The following ATP8A1 variants were observed in gnomAD, a reference collection of about 807,000 sequenced individuals.
ATP8A1 encodes ATPase phospholipid transporting 8A1, also known as phospholipid-transporting ATPase IA.
A neutral mutation model predicts 177.7 loss-of-function variants in ATP8A1; 90 were observed. The observed-to-expected ratio is 0.51, with a 90% CI of 0.43 to 0.60. The LOEUF is 0.60. Among genes scored for constraint, ATP8A1 ranks in the 20% least tolerant of loss-of-function variants. The pLI is 0.00. For missense variants in ATP8A1, 1,072 were observed against 1,392.8 expected (o/e 0.77, Z 3.67); for synonymous variants, 493 against 485.9 (o/e 1.01, Z -0.19).
chr4:42,631,437 TG>T (rs1402111526), intron 1 of ATP8A1, among the ~76,000 whole-genome samples: 2 of 152,196 alleles, frequency 1.3e-5, no homozygotes, highest in Non-Finnish European at 2.9e-5. Flanking sequence ...CAGATTGGCC[TG>T]TGTAGAAGTT....
chr4:42,507,780 TAAAAAA>T, intron 22 of ATP8A1, among the ~76,000 whole-genome samples: 1 of 17,700 alleles, frequency 5.6e-5, no homozygotes, highest in Non-Finnish European at 1.0e-4. Flanking sequence ...ACAGGCATTC[TAAAAAA>T]AAAAAAAAAA....
At chr4:42,513,471 T>G (rs989212750) in intron 22 of ATP8A1, among the ~76,000 whole-genome samples, 1 of 152,146 alleles carries the variant, frequency 6.6e-6, no homozygotes, top group African/African-American at 2.4e-5. Flanking sequence ...AGCTGACACT[T>G]GACTTTAAAT....
At chr4:42,656,775 A>G in intron 1 of ATP8A1, 50 bp downstream of exon 1, 1 of 1,505,548 alleles carries the variant, frequency 6.6e-7, no homozygotes, top group Middle Eastern at 1.7e-4. Flanking sequence ...GCTCACACAC[A>G]CACTCGCTTC....
chr4:42,459,578 G>T (rs1285622260), intron 27 of ATP8A1: 4 of 283,676 alleles, frequency 1.4e-5, no homozygotes, highest in Non-Finnish European at 2.8e-5. Context: ...ATATATAGAA[G>T]GGATTGAGAA....
At chr4:42,526,961 A>AT (rs1248707709) in intron 20 of ATP8A1, among the ~76,000 whole-genome samples, 1 of 152,212 alleles carries the variant, frequency 6.6e-6, no homozygotes, top group Non-Finnish European at 1.5e-5. Context: ...TGCATTTGAC[A>AT]TTCCTGATTC....
At chr4:42,515,996 C>T (rs1478019917) in intron 22 of ATP8A1, among the ~76,000 whole-genome samples, 1 of 152,196 alleles carries the variant, frequency 6.6e-6, no homozygotes, top group Non-Finnish European at 1.5e-5. Context: ...GCCTTCAATG[C>T]ATGGAAAGCA....
At chr4:42,425,785 G>C (rs1369952536) in intron 33 of ATP8A1, among the ~76,000 whole-genome samples, 2 of 152,132 alleles carry the variant, frequency 1.3e-5, no homozygotes, top group Admixed American at 6.5e-5. Context: ...AGAGCGGTTT[G>C]CAAATTTCTC....
In ATP8A1 at chr4:42,464,661, C is replaced by G. The variant is rs763954334; in HGVS notation, c.2619+29G>C. 3.0e-6 allele frequency: 4 copies of G among 1,323,554 alleles called. No homozygotes were observed. The South Asian group carries it at 5.7e-5, about 19-fold the overall frequency. 82.0% of individuals were successfully genotyped at this position (1,323,554 alleles called of 1,614,324 possible). Reference sequence around the variant, plus strand: ...TTTCTTTAAATATGTATGCAAATGACAAGGATTTAAAATTTAACCTGCTAT... The same window carrying G: ...TTTCTTTAAATATGTATGCAAATGAGAAGGATTTAAAATTTAACCTGCTAT... On this transcript the variant is annotated intron_variant, in intron 27 of 36. Coordinates refer to ENST00000381668, the MANE Select transcript of ATP8A1 (RefSeq NM_006095.2).
chr4:42,445,164 C>T (rs1186578682), intron 31 of ATP8A1, among the ~76,000 whole-genome samples: 1 of 152,182 alleles, frequency 6.6e-6, no homozygotes, highest in Non-Finnish European at 1.5e-5. Flanking sequence ...ATGCACCCAT[C>T]GCTGGGGCTT....
intron 16 of ATP8A1, among the ~76,000 whole-genome samples, chr4:42,555,154 C>CT (rs1170837797): frequency 2.6e-4 from 32 of 123,682 alleles, no homozygotes; most frequent in Middle Eastern, 3.7e-3. Flanking sequence ...ATCTATCTAT[C>CT]TATCTATCTA....
chr4:42,479,116 G>A (rs1049999545), intron 25 of ATP8A1, among the ~76,000 whole-genome samples: 1 of 152,062 alleles, frequency 6.6e-6, no homozygotes, highest in Non-Finnish European at 1.5e-5. Flanking sequence ...CTTTATTATG[G>A]CCCCAGGGCT....
chr4:42,476,762 TAAG>T (rs1033008175), intron 25 of ATP8A1, among the ~76,000 whole-genome samples: 1 of 152,048 alleles, frequency 6.6e-6, no homozygotes, highest in Admixed American at 6.5e-5. Flanking sequence ...CAGGCAAAAT[TAAG>T]AAGGGAGCCA....
intron 35 of ATP8A1, among the ~76,000 whole-genome samples, chr4:42,419,799 C>T (rs1027773088): frequency 2.0e-5 from 3 of 152,016 alleles, no homozygotes; most frequent in South Asian, 4.2e-4. Flanking sequence ...GTCAGGAGTT[C>T]GAGACCAGTC....
At chr4:42,512,327 C>T (rs896310149) in intron 22 of ATP8A1, among the ~76,000 whole-genome samples, 2 of 152,292 alleles carry the variant, frequency 1.3e-5, no homozygotes, top group Middle Eastern at 3.4e-3. Context: ...TACTTCATTT[C>T]TATGAGAGGG....
At chr4:42,587,144 G>A (rs1733688969) in intron 8 of ATP8A1, among the ~76,000 whole-genome samples, 1 of 152,128 alleles carries the variant, frequency 6.6e-6, no homozygotes, top group Non-Finnish European at 1.5e-5. Flanking sequence ...AGTAAATATA[G>A]AAATGTAAAC....
chr4:42,482,402 G>A (rs1721782469), intron 25 of ATP8A1, among the ~76,000 whole-genome samples: 1 of 151,672 alleles, frequency 6.6e-6, no homozygotes, highest in South Asian at 2.1e-4. Context: ...TCCACTTCTT[G>A]GGTTTTATAT....
At chr4:42,604,208 TTGTGTTGA>T (rs1735572121) in intron 5 of ATP8A1, among the ~76,000 whole-genome samples, 1 of 152,214 alleles carries the variant, frequency 6.6e-6, no homozygotes, top group Non-Finnish European at 1.5e-5. Flanking sequence ...TCAGGGGACA[TTGTGTTGA>T]CACCCAGTCC....
chr4:42,537,432 G>T (rs1727964839), intron 20 of ATP8A1, among the ~76,000 whole-genome samples: 1 of 151,716 alleles, frequency 6.6e-6, no homozygotes, highest in East Asian at 1.9e-4. Context: ...TCAGATAAGA[G>T]AAAGAAATAA....
intron 6 of ATP8A1, chr4:42,594,468 AAAC>A (rs1217605653): frequency 1.5e-6 from 1 of 659,234 alleles, no homozygotes; most frequent in African/African-American, 1.8e-5. Flanking sequence ...GGTTATCGGC[AAAC>A]AAGAACCACT....
Sources: gnomAD v4.1 joint callset for allele counts (sites outside exome capture counted in the v4.1 genomes callset) on GRCh38, gnomAD v4.1.1 for gene constraint, MANE v1.5 for transcripts, NCBI Gene and HGNC (gene_info 2026-07-23, HGNC 2026-07-21) for gene names.